The following GRID2 variants were observed in gnomAD, a reference collection of about 807,000 sequenced individuals.
GRID2 encodes glutamate receptor ionotropic, delta-2.
GRID2 carries 33 observed loss-of-function variants against 114.8 expected under a neutral mutation model. The observed-to-expected ratio is 0.29, with a 90% confidence interval of 0.22 to 0.38. GRID2 has a LOEUF of 0.38. GRID2 is among the 10% of genes least tolerant of loss of function. The probability of loss-of-function intolerance (pLI) is 1.00; values close to 1 mark genes in which losing one functional copy is unlikely to be tolerated. For synonymous variants in GRID2, 505 were observed against 449.9 expected, an observed-to-expected ratio of 1.12 and a Z score of -1.55; for missense variants, 1,184 against 1,257.7, an observed-to-expected ratio of 0.94 and a Z score of 0.89.
intron 1 of GRID2, among the ~76,000 whole-genome samples, chr4:92,534,816 C>G (rs556669722): frequency 6.6e-6 from 1 of 152,082 alleles, no homozygotes; most frequent in Admixed American, 6.6e-5. Context: ...TTATTAAAGA[C>G]GTTAATATTA....
chr4:92,561,574 T>TCTTTTAA (rs1175168987), intron 1 of GRID2, among the ~76,000 whole-genome samples: 1 of 152,200 alleles, frequency 6.6e-6, no homozygotes, highest in Non-Finnish European at 1.5e-5. Flanking sequence ...GTTGTGTGCA[T>TCTTTTAA]CTTTTAAATA....
chr4:92,944,510 C>A (rs1408791880), intron 2 of GRID2, among the ~76,000 whole-genome samples: 2 of 152,204 alleles, frequency 1.3e-5, no homozygotes, highest in Non-Finnish European at 2.9e-5. Flanking sequence ...TTCCCTGACC[C>A]CTTACACTTC....
Position 92,556,440 on chromosome 4 carries a change from C to T in GRID2, c.89-33691C>T, listed in dbSNP as rs1726853481. Among the ~76,000 whole-genome samples the T allele has an allele frequency of 2.0e-5, 3 of 152,166 alleles. No homozygotes were observed. In the South Asian group the frequency reaches 6.2e-4, roughly 32 times the overall value. On this transcript the variant is annotated intron_variant, in intron 1 of 15. Coordinates refer to ENST00000282020, the MANE Select transcript of GRID2 (RefSeq NM_001510.4). ...TATTTGAGATGAAAGGCGATTTAAG[C>T]TAATTTTCATTGGATCATTTATTAT...
intron 4 of GRID2, among the ~76,000 whole-genome samples, chr4:93,146,148 C>T (rs957183966): frequency 4.6e-5 from 7 of 151,978 alleles, no homozygotes; most frequent in African/African-American, 1.7e-4. Context: ...TATTTTAATT[C>T]CACATTTCCC....
chr4:93,323,355 G>T (rs1261238764), intron 8 of GRID2, among the ~76,000 whole-genome samples: 2 of 152,258 alleles, frequency 1.3e-5, no homozygotes, highest in East Asian at 1.9e-4. Context: ...TCAGCTGGTT[G>T]TAGATGTGTG....
intron 2 of GRID2, among the ~76,000 whole-genome samples, chr4:92,925,007 C>G (rs1749694513): frequency 6.6e-6 from 1 of 152,072 alleles, no homozygotes; most frequent in Non-Finnish European, 1.5e-5. Context: ...AAGCAGCCCT[C>G]TTTAAGAGTC....
At chr4:93,058,714 G>A (rs904406478) in intron 2 of GRID2, among the ~76,000 whole-genome samples, 13 of 151,452 alleles carry the variant, frequency 8.6e-5, no homozygotes, top group Non-Finnish European at 1.6e-4. Context: ...ATTTTCTTAA[G>A]GCATCATATA....
intron 14 of GRID2, among the ~76,000 whole-genome samples, chr4:93,691,157 A>C (rs941197427): frequency 2.0e-5 from 3 of 151,772 alleles, no homozygotes; most frequent in Non-Finnish European, 4.4e-5. Flanking sequence ...TTGTTACAAA[A>C]TATCTATTTC....
At chr4:92,356,892 A>G (rs1728355851) in intron 1 of GRID2, among the ~76,000 whole-genome samples, 1 of 151,900 alleles carries the variant, frequency 6.6e-6, no homozygotes, top group African/African-American at 2.4e-5. Context: ...AAGTGAATAA[A>G]GCAAAATGAA....
chr4:93,080,896 G>C (rs1446153275), intron 2 of GRID2, among the ~76,000 whole-genome samples: 6 of 152,182 alleles, frequency 3.9e-5, no homozygotes, highest in Non-Finnish European at 8.8e-5. Context: ...CTTGCTTGCT[G>C]TGTCATCCTA....
At chr4:93,362,955 C>T (rs1762010906) in intron 8 of GRID2, among the ~76,000 whole-genome samples, 1 of 152,124 alleles carries the variant, frequency 6.6e-6, no homozygotes, top group African/African-American at 2.4e-5. Context: ...CACGGTGGCT[C>T]ACACCTGTGA....
intron 9 of GRID2, among the ~76,000 whole-genome samples, chr4:93,399,633 G>T (rs1279299820): frequency 6.6e-6 from 1 of 152,126 alleles, no homozygotes; most frequent in South Asian, 2.1e-4. Flanking sequence ...AGCCATGGGA[G>T]AGAGACCATC....
intron 8 of GRID2, among the ~76,000 whole-genome samples, chr4:93,351,089 T>G (rs1299113010): frequency 6.6e-6 from 1 of 152,104 alleles, no homozygotes; most frequent in East Asian, 1.9e-4. Flanking sequence ...GCCCTCATGA[T>G]TCAATGTTCC....
At chr4:92,822,837 A>G (rs1308691844) in intron 2 of GRID2, 1 of 155,580 alleles carries the variant, frequency 6.4e-6, no homozygotes, top group Non-Finnish European at 1.4e-5. Context: ...GGTGGACTGT[A>G]TCATGTCCAG....
chr4:92,899,205 T>A (rs1747387900), intron 2 of GRID2, among the ~76,000 whole-genome samples: 2 of 152,144 alleles, frequency 1.3e-5, no homozygotes, highest in African/African-American at 4.8e-5. Flanking sequence ...ATAAACATTA[T>A]TCTTTTATAA....
intron 2 of GRID2, among the ~76,000 whole-genome samples, chr4:93,060,610 G>T (rs1300258709): frequency 6.6e-6 from 1 of 152,066 alleles, no homozygotes; most frequent in Non-Finnish European, 1.5e-5. Flanking sequence ...AGCCAAAGAA[G>T]GCAGGAAGGA....
At chr4:92,966,823 G>C (rs1187456096) in intron 2 of GRID2, among the ~76,000 whole-genome samples, 1 of 151,786 alleles carries the variant, frequency 6.6e-6, no homozygotes, top group Non-Finnish European at 1.5e-5. Context: ...ACCAATAAAG[G>C]CTCTGTGTGT....
At chr4:92,551,254 C>CTGTGTGTGTG (rs34809917) in intron 1 of GRID2, among the ~76,000 whole-genome samples, 335 of 146,978 alleles carry the variant, frequency 2.3e-3, no homozygotes, top group Middle Eastern at 3.5e-3. Context: ...ACATCTACAC[C>CTGTGTGTGTG]TGTGTGTGTG....
chr4:92,794,203 A>G (rs1313176431), intron 2 of GRID2, among the ~76,000 whole-genome samples: 11 of 151,764 alleles, frequency 7.2e-5, no homozygotes, highest in African/African-American at 2.7e-4. Context: ...GTAGCCTCCA[A>G]CTCCTGGGCT....
Sources: gnomAD v4.1 joint callset for allele counts (sites outside exome capture counted in the v4.1 genomes callset) on GRCh38, gnomAD v4.1.1 for gene constraint, MANE v1.5 for transcripts, NCBI Gene and HGNC (gene_info 2026-07-23, HGNC 2026-07-21) for gene names.